DNAH14: variants seen among roughly 807,000 people sequenced by gnomAD.
DNAH14 encodes dynein axonemal heavy chain 14.
Under a neutral mutation model 520.9 loss-of-function variants are expected in DNAH14, and 478 were observed. The observed-to-expected ratio is 0.92, with a 90% CI of 0.85 to 0.99. The LOEUF (loss-of-function observed/expected upper bound fraction) is 0.99, where lower values mean the gene tolerates loss of function less well. Ranked by LOEUF, DNAH14 falls within the 50% of genes least tolerant of loss-of-function variation. The probability of loss-of-function intolerance (pLI) is 0.00; values close to 1 mark genes in which losing one functional copy is unlikely to be tolerated. For synonymous variants in DNAH14, 1,581 were observed against 1,757.2 expected (o/e 0.90, Z 2.51); for missense variants, 4,831 against 5,234.5 (o/e 0.92, Z 2.38).
intron 21 of DNAH14, among the ~76,000 whole-genome samples, chr1:225,090,913 C>T (rs2074324308): frequency 6.6e-6 from 1 of 152,064 alleles, no homozygotes; most frequent in African/African-American, 2.4e-5. Flanking sequence ...CCTATAAAGA[C>T]ACTTTTAAGT....
chr1:225,245,653 G>C (rs113225977), intron 43 of DNAH14, among the ~76,000 whole-genome samples: 1 of 152,070 alleles, frequency 6.6e-6, no homozygotes, highest in East Asian at 1.9e-4. Context: ...AAATACCTAG[G>C]AATACAACTT....
chr1:225,004,986 ATCT>A (rs1413437182), intron 9 of DNAH14, among the ~76,000 whole-genome samples: 1 of 152,152 alleles, frequency 6.6e-6, no homozygotes, highest in Non-Finnish European at 1.5e-5. Context: ...CTTTGTTCAA[ATCT>A]TCACTTTCAA....
chr1:225,359,597 C>A (rs1388273236), intron 74 of DNAH14, among the ~76,000 whole-genome samples: 2 of 152,088 alleles, frequency 1.3e-5, no homozygotes, highest in Non-Finnish European at 2.9e-5. Context: ...TACATAAAAC[C>A]TTATCTGGAG....
At position 225,270,665 on chromosome 1, in the gene DNAH14, A is replaced by G. The variant is rs903712178; in HGVS notation, c.7540-70A>G. 13 of 1,314,074 alleles carry G rather than the reference A, an allele frequency of 9.9e-6. 1 individual carries two copies. The African/African-American group carries it at 1.2e-4, about 12-fold the overall frequency. The allele number at this position is 1,314,074 out of a possible 1,614,324, so 81.4% of individuals were successfully genotyped here. ...TTAAATGTTTTGTCCAATTTGGGAC[A>G]GAGACGTAGGTACATACTTCACTTC... On this transcript the variant is annotated intron_variant, in intron 49 of 85. Coordinates refer to ENST00000682510, the MANE Select transcript of DNAH14 (RefSeq NM_001367479.1).
In DNAH14 at chr1:225,079,372, CA is replaced by C; in HGVS notation, c.2591del (p.His864LeufsTer20). ...TTCTGTTGCAAAGCATCACCAGATCCATATTTCAGAAGAGCAAATTGCCATA... is the reference window on the plus strand; with the variant it reads ...TTCTGTTGCAAAGCATCACCAGATCCTATTTCAGAAGAGCAAATTGCCATA... ...LYSVAKHHQIHISEEQIAIFQ... is the reference protein window; with the variant it reads ...LYSVAKHHQIXISEEQIAIFQ... On this transcript the variant is annotated frameshift_variant, in exon 18 of 86. Coordinates refer to ENST00000682510, the MANE Select transcript of DNAH14 (RefSeq NM_001367479.1). LOFTEE classifies it high-confidence loss of function. 1 of 1,550,776 alleles carries C rather than the reference CA, an allele frequency of 6.4e-7. No homozygotes were observed. The highest frequency in any genetic ancestry group is 8.7e-7 in the Non-Finnish European group (1 of 1,146,754).
rs1210485095 is a variant in DNAH14 at position 224,968,832 on chromosome 1, ATTACTAT to A, written c.729_735del (p.Leu245GlyfsTer11). 2 of 1,543,638 alleles carry A rather than the reference ATTACTAT, an allele frequency of 1.3e-6. No individual in the cohort carries two copies. The highest frequency in any genetic ancestry group is 1.7e-6 in the Non-Finnish European group (2 of 1,144,474). ...TTGGAATGGCTATCAGAAAGAAGAC[ATTACTAT>A]TTATTACGGCAATTCAAGATATTTT... On this transcript the variant is annotated frameshift_variant, in exon 7 of 86. Coordinates refer to ENST00000682510, the MANE Select transcript of DNAH14 (RefSeq NM_001367479.1). LOFTEE classifies it high-confidence loss of function.
At chr1:225,293,836 AAG>A (rs2093947786) in intron 55 of DNAH14, among the ~76,000 whole-genome samples, 3 of 152,142 alleles carry the variant, frequency 2.0e-5, no homozygotes, top group African/African-American at 7.2e-5. Flanking sequence ...TTTTTAAAAA[AAG>A]AGTTTTTTGG....
At chr1:225,174,367 T>C (rs1351596582) in intron 36 of DNAH14, among the ~76,000 whole-genome samples, 1 of 152,202 alleles carries the variant, frequency 6.6e-6, no homozygotes, top group African/African-American at 2.4e-5. Context: ...TTAATAAGTG[T>C]TTTATAGATG....
chr1:225,141,109 A>G, intron 28 of DNAH14, 88 bp downstream of exon 28: 11 of 1,320,066 alleles, frequency 8.3e-6, no homozygotes, highest in Non-Finnish European at 1.1e-5. Context: ...CACTTTGTCA[A>G]ACTTGAGTTT....
chr1:225,377,512 C>A, intron 79 of DNAH14, 76 bp downstream of exon 79: 3 of 1,411,436 alleles, frequency 2.1e-6, no homozygotes, highest in Non-Finnish European at 2.9e-6. Flanking sequence ...GTAATCCCAG[C>A]ACCTTGGGAG....
At chr1:225,254,509 T>C (rs2092672069) in intron 44 of DNAH14, among the ~76,000 whole-genome samples, 1 of 152,160 alleles carries the variant, frequency 6.6e-6, no homozygotes, top group African/African-American at 2.4e-5. Context: ...GCTGTAACTC[T>C]AGGGAAAGTG....
intron 83 of DNAH14, among the ~76,000 whole-genome samples, 163 bp downstream of exon 83, chr1:225,390,036 C>T (rs900459728): frequency 6.6e-6 from 1 of 152,104 alleles, no homozygotes; most frequent in Admixed American, 6.5e-5. Flanking sequence ...TTCTCCCTCC[C>T]AACCCACTTC....
In DNAH14 at chr1:225,021,704, A is replaced by G. The variant is rs140338104; in HGVS notation, c.1108-1911A>G. Among the ~76,000 whole-genome samples the G allele has an allele frequency of 2.1e-3, 321 of 152,322 alleles. 1 individual carries two copies. Among genetic ancestry groups the G allele is most frequent in the African/African-American group, 7.4e-3 (307 of 41,578 alleles). On this transcript the variant is annotated intron_variant, in intron 10 of 85. Transcript: ENST00000682510. ...AAATCAATATTGTTAAAATGGCCAT[A>G]CTGCCCAAAGCAGTTTACAGACTTG...
In DNAH14 at chr1:225,286,703, G is replaced by A. The variant is rs577478560; in HGVS notation, c.8272-3182G>A. Reference sequence around the variant, plus strand: ...AAAGCTAAACATAGTCTTGCCATATGAGCCAGTAATCATGCTCCTACACAT... The same window carrying A: ...AAAGCTAAACATAGTCTTGCCATATAAGCCAGTAATCATGCTCCTACACAT... On this transcript the variant is annotated intron_variant, in intron 54 of 85. Coordinates refer to ENST00000682510, the MANE Select transcript of DNAH14 (RefSeq NM_001367479.1). Among the ~76,000 whole-genome samples, 26 of 152,268 alleles carry A rather than the reference G, an allele frequency of 1.7e-4. No homozygotes were observed. In the South Asian group the frequency reaches 4.4e-3, roughly 25 times the overall value.
At chr1:225,101,982 G>A (rs920639911) in intron 23 of DNAH14, among the ~76,000 whole-genome samples, 5 of 151,402 alleles carry the variant, frequency 3.3e-5, no homozygotes, top group Admixed American at 6.6e-5. Flanking sequence ...GTGTTGGTGT[G>A]CTGCACCCAT....
chr1:225,228,592 T>G (rs1035028985), intron 41 of DNAH14, among the ~76,000 whole-genome samples: 1 of 144,632 alleles, frequency 6.9e-6, no homozygotes, highest in Non-Finnish European at 1.6e-5. Flanking sequence ...CTCTCCTGGA[T>G]AGACCCCCCA....
At chr1:225,133,852 C>T (rs2078692184) in intron 27 of DNAH14, among the ~76,000 whole-genome samples, 1 of 152,112 alleles carries the variant, frequency 6.6e-6, no homozygotes, top group Non-Finnish European at 1.5e-5. Flanking sequence ...TCTTCCTATC[C>T]ATGAGCATGG....
chr1:225,022,455 TA>T (rs2065785004), intron 10 of DNAH14, among the ~76,000 whole-genome samples: 1 of 151,970 alleles, frequency 6.6e-6, no homozygotes, highest in Non-Finnish European at 1.5e-5. Context: ...TATGAACAAA[TA>T]CTTCTCAAAA....
chr1:225,000,170 T>C (rs1008866629), intron 8 of DNAH14, among the ~76,000 whole-genome samples: 3 of 152,222 alleles, frequency 2.0e-5, no homozygotes, highest in African/African-American at 7.2e-5. Context: ...ACATTTTTGC[T>C]AGATATAGGA....
Sources: gnomAD v4.1 joint callset for allele counts (sites outside exome capture counted in the v4.1 genomes callset) on GRCh38, gnomAD v4.1.1 for gene constraint, MANE v1.5 for transcripts, NCBI Gene and HGNC (gene_info 2026-07-23, HGNC 2026-07-21) for gene names.